Variants in SEMA3D observed in about 807,000 individuals in gnomAD.
SEMA3D encodes the protein semaphorin-3D.
A neutral mutation model predicts 100.1 loss-of-function variants in SEMA3D; 84 were observed. That is an observed-to-expected ratio of 0.84 (90% CI 0.70 to 1.01). The LOEUF (loss-of-function observed/expected upper bound fraction) is 1.01, where lower values mean the gene tolerates loss of function less well. Ranked by LOEUF, SEMA3D falls within the 50% of genes least tolerant of loss-of-function variation. The pLI is 0.00. For synonymous variants in SEMA3D, 312 were observed against 320.7 expected, an observed-to-expected ratio of 0.97 and a Z score of 0.29; for missense variants, 875 against 934.1, an observed-to-expected ratio of 0.94 and a Z score of 0.82.
chr7:85,114,713 C>T (rs889660302), intron 3 of SEMA3D, among the ~76,000 whole-genome samples: 2 of 152,020 alleles, frequency 1.3e-5, no homozygotes, highest in Non-Finnish European at 2.9e-5. Context: ...GCATCAAAAG[C>T]GTAGAGCTTT....
chr7:85,097,446 T>C (rs1788595093), intron 4 of SEMA3D, among the ~76,000 whole-genome samples: 1 of 151,910 alleles, frequency 6.6e-6, no homozygotes, highest in Non-Finnish European at 1.5e-5. Context: ...TTTACAACTA[T>C]TGTTAGGATA....
intron 1 of SEMA3D, among the ~76,000 whole-genome samples, chr7:85,175,787 C>T (rs1339509880): frequency 1.3e-5 from 2 of 151,712 alleles, no homozygotes; most frequent in Admixed American, 6.6e-5. Context: ...ACAATGAATT[C>T]GGTTATGATG....
chr7:85,038,688 A>G (rs1040073472), intron 11 of SEMA3D, among the ~76,000 whole-genome samples: 1 of 152,168 alleles, frequency 6.6e-6, no homozygotes, highest in African/African-American at 2.4e-5. Flanking sequence ...AAGTTCTGCA[A>G]TTGGAAAGGT....
intron 9 of SEMA3D, among the ~76,000 whole-genome samples, chr7:85,043,875 A>T (rs1790930260): frequency 6.6e-6 from 1 of 151,788 alleles, no homozygotes; most frequent in Non-Finnish European, 1.5e-5. Context: ...AATTAAACCT[A>T]TTTTTTTTAA....
At chr7:85,222,640 C>A in the SEMA3D span, among the ~76,000 whole-genome samples, 1 of 152,200 alleles carries the variant, frequency 6.6e-6, no homozygotes, top group South Asian at 2.1e-4. Context: ...GCATAAGCAA[C>A]CCTCTGTGTC....
At chr7:85,136,604 T>C (rs1052821331) in intron 2 of SEMA3D, among the ~76,000 whole-genome samples, 1 of 152,162 alleles carries the variant, frequency 6.6e-6, no homozygotes, top group Non-Finnish European at 1.5e-5. Context: ...GTCTACAATA[T>C]GTTTTTATTT....
At chr7:85,129,659 T>A (rs980167249) in intron 2 of SEMA3D, among the ~76,000 whole-genome samples, 2 of 152,138 alleles carry the variant, frequency 1.3e-5, no homozygotes, top group African/African-American at 4.8e-5. Flanking sequence ...CTACTTAGTT[T>A]AGAATTTTAA....
chr7:85,192,065 T>C, the SEMA3D span, among the ~76,000 whole-genome samples: 7 of 152,134 alleles, frequency 4.6e-5, no homozygotes, highest in African/African-American at 1.7e-4. Flanking sequence ...GTGATTTTCA[T>C]TCTTGCATAT....
chr7:85,238,595 G>A, the SEMA3D span, among the ~76,000 whole-genome samples: 1 of 152,052 alleles, frequency 6.6e-6, no homozygotes. Context: ...ACTATTACTG[G>A]AGCCTTCTAG....
chr7:85,173,523 G>A (rs1298770711), intron 1 of SEMA3D, among the ~76,000 whole-genome samples: 1 of 152,112 alleles, frequency 6.6e-6, no homozygotes, highest in Non-Finnish European at 1.5e-5. Context: ...GTATATACTT[G>A]AAGTAGGCCA....
the SEMA3D span, among the ~76,000 whole-genome samples, chr7:85,236,165 C>T: frequency 1.3e-5 from 2 of 151,992 alleles, no homozygotes; most frequent in South Asian, 2.1e-4. Context: ...ATGACCATTT[C>T]AAGCTGTTTC....
rs1460691597 is a variant in SEMA3D, at chr7:85,185,316, G to A, written c.-173+1362C>T. On this transcript the variant is annotated intron_variant, in intron 1 of 18. Transcript: ENST00000284136. ...GCCTCAACCCTTCCCTCTCTGTTAG[G>A]AGATCCTCCCCCTCGTCTCTGCGCG... Among the ~76,000 whole-genome samples, 3 of 151,926 alleles carry A rather than the reference G, an allele frequency of 2.0e-5. No homozygotes were observed. In the East Asian group the frequency reaches 5.8e-4, roughly 30 times the overall value.
chr7:85,113,488 A>T (rs1473432873), intron 3 of SEMA3D, among the ~76,000 whole-genome samples: 1 of 151,718 alleles, frequency 6.6e-6, no homozygotes, highest in Non-Finnish European at 1.5e-5. Context: ...AAATTCCTCA[A>T]TGGGCCGGGC....
At position 85,046,116 on chromosome 7, in the gene SEMA3D, TTTG is replaced by T; in HGVS notation, c.862-3834_862-3832del. Among the ~76,000 whole-genome samples the T allele has an allele frequency of 3.9e-5, 6 of 152,116 alleles. 1 individual carries two copies. The highest frequency in any genetic ancestry group is 3.9e-4 in the Admixed American group (6 of 15,232). The stretch of plus-strand genomic sequence containing the variant: ...ATCACAGAATATATGCTGAAATTAT[TTTG>T]TTATGTGAATACATATATAATCAGA... On this transcript the variant is annotated intron_variant, in intron 9 of 18. Coordinates refer to ENST00000284136, the MANE Select transcript of SEMA3D (RefSeq NM_001384900.1).
At chr7:85,213,164 T>C in the SEMA3D span, among the ~76,000 whole-genome samples, 1 of 152,066 alleles carries the variant, frequency 6.6e-6, no homozygotes. Flanking sequence ...ACACTGCTTA[T>C]GGTCATTGCC....
chr7:85,075,951 G>T (rs1305579091), intron 5 of SEMA3D, among the ~76,000 whole-genome samples: 1 of 152,154 alleles, frequency 6.6e-6, no homozygotes, highest in Non-Finnish European at 1.5e-5. Context: ...TCAAAGATTT[G>T]TTTAAATAGC....
intron 11 of SEMA3D, among the ~76,000 whole-genome samples, chr7:85,039,969 C>CTTTTTTTTTT (rs776990536): frequency 1.1e-5 from 1 of 90,628 alleles, no homozygotes; most frequent in Non-Finnish European, 2.1e-5. Context: ...TACGCAAACA[C>CTTTTTTTTTT]TTTTTTTTTT....
chr7:85,034,091 T>C (rs1301183405), intron 12 of SEMA3D, among the ~76,000 whole-genome samples: 1 of 152,112 alleles, frequency 6.6e-6, no homozygotes, highest in Non-Finnish European at 1.5e-5. Flanking sequence ...GGCAAGTTAC[T>C]GTACCTGTCG....
chr7:85,047,313 C>T (rs1306834475), intron 9 of SEMA3D, among the ~76,000 whole-genome samples: 1 of 151,738 alleles, frequency 6.6e-6, no homozygotes, highest in Non-Finnish European at 1.5e-5. Flanking sequence ...GTAGATCAGA[C>T]CTAAAGCAGG....
Sources: allele counts gnomAD v4.1 joint callset (sites outside exome capture counted in the v4.1 genomes callset), GRCh38; gene constraint gnomAD v4.1.1; transcripts MANE v1.5; gene names NCBI Gene and HGNC (gene_info 2026-07-23, HGNC 2026-07-21).